Variants in DCC observed in about 807,000 individuals in gnomAD.
DCC encodes netrin receptor DCC.
Under a neutral mutation model 172.5 loss-of-function variants are expected in DCC, and 58 were observed. The observed-to-expected ratio is 0.34, with a 90% CI of 0.27 to 0.42. The LOEUF is 0.42. Ranked by LOEUF, DCC falls within the 10% of genes least tolerant of loss-of-function variation. The probability of loss-of-function intolerance (pLI) is 1.00; values close to 1 mark genes in which losing one functional copy is unlikely to be tolerated. For missense variants in DCC, 1,740 were observed against 1,791.0 expected, an observed-to-expected ratio of 0.97 and a Z score of 0.51; for synonymous variants, 709 against 644.5, an observed-to-expected ratio of 1.10 and a Z score of -1.52.
At chr18:53,508,706 T>C (rs1048887575) in intron 27 of DCC, among the ~76,000 whole-genome samples, 7 of 152,166 alleles carry the variant, frequency 4.6e-5, no homozygotes, top group African/African-American at 1.7e-4. Context: ...GGAGAACACA[T>C]TGCCTGATAA....
intron 2 of DCC, among the ~76,000 whole-genome samples, chr18:52,771,881 A>AG (rs1221007968): frequency 1.4e-5 from 2 of 145,680 alleles, no homozygotes; most frequent in Non-Finnish European, 3.0e-5. Flanking sequence ...GAAAAAAAAA[A>AG]AAAAAGAAAA....
At position 52,986,855 on chromosome 18, in the gene DCC, CACAA is replaced by C. The variant is rs551269136; in HGVS notation, c.985+61489_985+61492del. ...ATACATACACACACACACACACACA[CACAA>C]ACAGACATATATATGCGCAGTGGTG... On this transcript the variant is annotated intron_variant, in intron 5 of 28. Transcript: ENST00000442544. Among the ~76,000 whole-genome samples the C allele has an allele frequency of 1.7e-4, 26 of 149,306 alleles. No homozygotes were observed. The South Asian group carries it at 4.5e-3, about 26-fold the overall frequency.
intron 2 of DCC, among the ~76,000 whole-genome samples, chr18:52,763,741 C>G (rs895417085): frequency 6.6e-6 from 1 of 152,180 alleles, no homozygotes; most frequent in Non-Finnish European, 1.5e-5. Flanking sequence ...TTTCATCACT[C>G]CTATCTCCCC....
chr18:52,821,014 C>T (rs1162399052), intron 2 of DCC, among the ~76,000 whole-genome samples: 2 of 152,122 alleles, frequency 1.3e-5, no homozygotes, highest in East Asian at 1.9e-4. Flanking sequence ...ACTCTGTTTT[C>T]GTGCTGAATT....
intron 1 of DCC, among the ~76,000 whole-genome samples, chr18:52,414,208 G>A (rs1473842040): frequency 1.3e-5 from 2 of 152,028 alleles, no homozygotes; most frequent in Non-Finnish European, 2.9e-5. Context: ...AGCCCCCCAA[G>A]TAGCTGGGAA....
At chr18:52,501,883 GGC>G (rs2031036274) in intron 1 of DCC, among the ~76,000 whole-genome samples, 1 of 152,048 alleles carries the variant, frequency 6.6e-6, no homozygotes, top group Admixed American at 6.6e-5. Context: ...ATTATCTGTG[GGC>G]AGTCTCTGGT....
chr18:52,849,571 C>A (rs1312384953), intron 2 of DCC, among the ~76,000 whole-genome samples: 1 of 152,112 alleles, frequency 6.6e-6, no homozygotes, highest in Admixed American at 6.5e-5. Flanking sequence ...AATTCACAGG[C>A]AATATAGCAT....
chr18:53,170,562 C>T (rs1239596080), intron 8 of DCC, among the ~76,000 whole-genome samples: 2 of 152,122 alleles, frequency 1.3e-5, no homozygotes, highest in African/African-American at 4.8e-5. Flanking sequence ...AAGTCCCCTT[C>T]TTGGACGCAA....
At chr18:53,219,986 T>C (rs921533108) in intron 12 of DCC, among the ~76,000 whole-genome samples, 2 of 128,084 alleles carry the variant, frequency 1.6e-5, no homozygotes, top group African/African-American at 5.5e-5. Context: ...GTGCAACTTG[T>C]TGGATTTTGA....
chr18:53,208,385 CTT>C (rs1186358129), intron 11 of DCC, among the ~76,000 whole-genome samples: 30 of 151,628 alleles, frequency 2.0e-4, no homozygotes, highest in Admixed American at 9.9e-4. Context: ...AGAGCTAAAA[CTT>C]TGTGTATTTT....
At chr18:52,954,119 T>C (rs2040702821) in intron 5 of DCC, among the ~76,000 whole-genome samples, 1 of 152,248 alleles carries the variant, frequency 6.6e-6, no homozygotes, top group Non-Finnish European at 1.5e-5. Flanking sequence ...TTCATTAAAA[T>C]AGGAATTATT....
In DCC at chr18:52,923,710, C is replaced by T. The variant is rs751210422; in HGVS notation, c.701C>T (p.Pro234Leu). 6.4e-5 allele frequency: 102 copies of T among 1,603,556 alleles called. No homozygotes were observed. The highest frequency in any genetic ancestry group is 7.9e-5 in the Non-Finnish European group (93 of 1,170,928). Reference protein sequence around the residue: ...NEAEVRILSDPGLHRQLYFLQ... With the variant: ...NEAEVRILSDLGLHRQLYFLQ... Reference sequence around the variant, plus strand: ...ATACTGTGTTTTCCCCTCATAGATCCAGGACTGCATAGACAGCTGTATTTT... The same window carrying T: ...ATACTGTGTTTTCCCCTCATAGATCTAGGACTGCATAGACAGCTGTATTTT... The change falls in exon 4 of 29, where the codon CCA becomes CTA. Residue 234 changes from proline to leucine, a missense_variant. Coordinates refer to ENST00000442544, the MANE Select transcript of DCC (RefSeq NM_005215.4).
At chr18:52,773,597 G>T (rs1157281003) in intron 2 of DCC, among the ~76,000 whole-genome samples, 2 of 152,192 alleles carry the variant, frequency 1.3e-5, no homozygotes, top group South Asian at 4.1e-4. Flanking sequence ...TGCGATCTCG[G>T]CTCACTGCAA....
At chr18:52,417,659 T>C (rs139435203) in intron 1 of DCC, among the ~76,000 whole-genome samples, 2,632 of 150,646 alleles carry the variant, frequency 0.017, 37 homozygotes, top group South Asian at 0.031. Flanking sequence ...TCCAGTTGAT[T>C]GCATCGGCTC....
intron 7 of DCC, among the ~76,000 whole-genome samples, chr18:53,123,999 C>T (rs2043519962): frequency 6.6e-6 from 1 of 152,062 alleles, no homozygotes. Flanking sequence ...TGAGCAGATG[C>T]ACAGGTAACT....
chr18:52,730,109 A>G (rs2036614797), intron 1 of DCC, among the ~76,000 whole-genome samples: 1 of 152,224 alleles, frequency 6.6e-6, no homozygotes, highest in Non-Finnish European at 1.5e-5. Flanking sequence ...TTTTTTAAAA[A>G]AATGAATATT....
Position 53,155,853 on chromosome 18 carries a change from C to T in DCC, c.1262-1503C>T, listed in dbSNP as rs1266099540. The stretch of plus-strand genomic sequence containing the variant: ...ACCAGCCTGGCCAACATAGTGAAAC[C>T]CTGTCTCTACCAAAAATACACAAAT... On this transcript the variant is annotated intron_variant, in intron 7 of 28. Coordinates refer to ENST00000442544, the MANE Select transcript of DCC (RefSeq NM_005215.4). 2.0e-5 allele frequency among the ~76,000 whole-genome samples: 3 copies of T among 152,152 alleles called. No individual in the cohort carries two copies. In the East Asian group the frequency reaches 5.8e-4, roughly 29 times the overall value.
chr18:53,295,705 C>A (rs1339145256), intron 12 of DCC, among the ~76,000 whole-genome samples: 2 of 152,054 alleles, frequency 1.3e-5, no homozygotes, highest in Non-Finnish European at 2.9e-5. Context: ...TGAGTGTTTC[C>A]ATTTGTTGGA....
At chr18:52,720,916 C>A (rs2036464279) in intron 1 of DCC, among the ~76,000 whole-genome samples, 1 of 152,148 alleles carries the variant, frequency 6.6e-6, no homozygotes, top group Non-Finnish European at 1.5e-5. Context: ...CAAATGAGTT[C>A]ATCCTCCTTG....
Sources: allele counts gnomAD v4.1 joint callset (sites outside exome capture counted in the v4.1 genomes callset), GRCh38; gene constraint gnomAD v4.1.1; transcripts MANE v1.5; gene names NCBI Gene and HGNC (gene_info 2026-07-23, HGNC 2026-07-21).